UAP1: variants seen among roughly 807,000 people sequenced by gnomAD.
UAP1 encodes UDP-N-acetylhexosamine pyrophosphorylase.
UAP1 carries 25 observed loss-of-function variants against 58.5 expected under a neutral mutation model. The observed-to-expected ratio is 0.43, with a 90% CI of 0.31 to 0.60. The LOEUF (loss-of-function observed/expected upper bound fraction) is 0.60, where lower values mean the gene tolerates loss of function less well. Among genes scored for constraint, UAP1 ranks in the 20% least tolerant of loss-of-function variants. The pLI is 0.11. For missense variants in UAP1, 575 were observed against 630.0 expected (o/e 0.91, Z 0.93); for synonymous variants, 208 against 213.0 (o/e 0.98, Z 0.21).
At chr1:162,576,570 A>G (rs956110929) in intron 2 of UAP1, among the ~76,000 whole-genome samples, 2 of 152,140 alleles carry the variant, frequency 1.3e-5, no homozygotes, top group Non-Finnish European at 2.9e-5. Flanking sequence ...TTTCAGTCCC[A>G]TGTGATCAAT....
At chr1:162,573,086 G>A (rs528412251) in intron 2 of UAP1, among the ~76,000 whole-genome samples, 5 of 152,274 alleles carry the variant, frequency 3.3e-5, no homozygotes, top group African/African-American at 1.2e-4. Flanking sequence ...TGTCTTGAAA[G>A]GTTCCCTGTT....
chr1:162,566,304 G>A, exon 2 of UAP1: 1 of 1,614,150 alleles, frequency 6.2e-7, no homozygotes, highest in African/African-American at 1.3e-5. Flanking sequence ...GTATTAGGCA[G>A]TGCTACAAGG....
chr1:162,589,118 ATTTTATATATAT>A (rs1557977252), intron 7 of UAP1, among the ~76,000 whole-genome samples: 1 of 116,388 alleles, frequency 8.6e-6, no homozygotes, highest in African/African-American at 3.4e-5. Context: ...TTATATATAT[ATTTTATATATAT>A]AATTTATATA....
intron 10 of UAP1, among the ~76,000 whole-genome samples, 158 bp from the exon 11 acceptor site, chr1:162,599,113 A>C (rs1655784983): frequency 6.6e-6 from 1 of 152,232 alleles, no homozygotes; most frequent in Non-Finnish European, 1.5e-5. Context: ...TCAGTCATTA[A>C]GTCTACTCTA....
At chr1:162,598,026 G>T (rs555523876) in intron 10 of UAP1, among the ~76,000 whole-genome samples, 168 bp downstream of exon 10, 22 of 152,192 alleles carry the variant, frequency 1.4e-4, no homozygotes, top group Admixed American at 1.4e-3. Context: ...TATATGCATT[G>T]AATCATCACA....
chr1:162,583,378 C>T (rs536458011), intron 5 of UAP1, among the ~76,000 whole-genome samples: 51 of 152,046 alleles, frequency 3.4e-4, no homozygotes, highest in Non-Finnish European at 4.4e-4. Flanking sequence ...TGGTCTCGAA[C>T]GCCTGACCTC....
chr1:162,599,479 T>G (rs1468514317), exon 11 of UAP1: 3 of 644,878 alleles, frequency 4.7e-6, no homozygotes, highest in Non-Finnish European at 7.9e-6. Context: ...AGGGTTTTAT[T>G]TTGCTTGTTG....
At chr1:162,576,436 G>A (rs1235392271) in intron 2 of UAP1, among the ~76,000 whole-genome samples, 1 of 152,054 alleles carries the variant, frequency 6.6e-6, no homozygotes, top group Non-Finnish European at 1.5e-5. Context: ...TTGGTGTTCG[G>A]TTGGGTTATA....
At chr1:162,567,078 CT>C (rs1653560643) in intron 2 of UAP1, among the ~76,000 whole-genome samples, 1 of 152,288 alleles carries the variant, frequency 6.6e-6, no homozygotes. Context: ...TTGATGTGCC[CT>C]TTGCCCTTTC....
At position 162,578,334 on chromosome 1, in the gene UAP1, A is replaced by C. The variant is rs545501091; in HGVS notation, c.486-1094A>C. On this transcript the variant is annotated intron_variant, in intron 3 of 10. Coordinates refer to ENST00000271469, the Ensembl canonical transcript of UAP1. ...CAGGACAAGGCAGCTGTATAGCCTCAGTTCCCTTTTGAAAGATTCTGTCTC... is the reference window on the plus strand; with the variant it reads ...CAGGACAAGGCAGCTGTATAGCCTCCGTTCCCTTTTGAAAGATTCTGTCTC... 6.6e-5 allele frequency among the ~76,000 whole-genome samples: 10 copies of C among 152,326 alleles called. No homozygotes were observed. In the East Asian group the frequency reaches 1.9e-3, roughly 29 times the overall value.
At chr1:162,587,479 T>C (rs898234344) in exon 6 of UAP1, 3 of 1,605,100 alleles carry the variant, frequency 1.9e-6, no homozygotes, top group African/African-American at 2.7e-5. Context: ...GGACAGGTGG[T>C]AGAGAAAACG....
At chr1:162,581,288 T>G (rs1557972472) in exon 5 of UAP1, 1 of 1,607,782 alleles carries the variant, frequency 6.2e-7, no homozygotes, top group Non-Finnish European at 8.5e-7. Context: ...GTTTTCCAGA[T>G]GGGAATGGTG....
intron 7 of UAP1, among the ~76,000 whole-genome samples, 185 bp from the exon 8 acceptor site, chr1:162,590,138 T>A (rs1407009608): frequency 6.6e-6 from 1 of 152,052 alleles, no homozygotes; most frequent in Non-Finnish European, 1.5e-5. Flanking sequence ...GGAAATGATT[T>A]CTCATTTTGC....
At chr1:162,576,743 A>G (rs1654206611) in intron 2 of UAP1, 34 bp from the exon 3 acceptor site, 1 of 1,582,964 alleles carries the variant, frequency 6.3e-7, no homozygotes, top group Non-Finnish European at 8.7e-7. Flanking sequence ...GTTGAATTGT[A>G]GAGGTTTTGT....
At chr1:162,583,429 A>G (rs1654722746) in intron 5 of UAP1, among the ~76,000 whole-genome samples, 1 of 152,020 alleles carries the variant, frequency 6.6e-6, no homozygotes. Context: ...CTGGGATTAC[A>G]GGCGTGAGCC....
chr1:162,596,341 A>G (rs1186179996), intron 9 of UAP1, among the ~76,000 whole-genome samples: 2 of 147,700 alleles, frequency 1.4e-5, no homozygotes, highest in Admixed American at 1.4e-4. Context: ...ACACCCGGCT[A>G]ATTTTGTATT....
At chr1:162,601,056 C>T (rs560371833), downstream of UAP1, among the ~76,000 whole-genome samples, 2 of 152,194 alleles carry the variant, frequency 1.3e-5, no homozygotes, top group South Asian at 4.2e-4. Context: ...TGGAGAGGAG[C>T]GATGGCTGGG....
At chr1:162,566,490 T>C in intron 2 of UAP1, 142 bp downstream of exon 2, 1 of 826,734 alleles carries the variant, frequency 1.2e-6, no homozygotes, top group Non-Finnish European at 1.8e-6. Context: ...AATTGTCTTT[T>C]TATTTTTGAT....
intron 2 of UAP1, among the ~76,000 whole-genome samples, chr1:162,567,499 G>A (rs530600939): frequency 1.3e-5 from 2 of 152,254 alleles, no homozygotes; most frequent in South Asian, 4.1e-4. Flanking sequence ...TAGCTCAACT[G>A]TAGCTTTTGG....
Sources: allele counts gnomAD v4.1 joint callset (sites outside exome capture counted in the v4.1 genomes callset), GRCh38; gene constraint gnomAD v4.1.1; transcripts MANE v1.5; gene names NCBI Gene and HGNC (gene_info 2026-07-23, HGNC 2026-07-21).